The following RTN2 variants were observed in gnomAD, a reference collection of about 807,000 sequenced individuals.
The protein encoded by RTN2 is reticulon-2.
A neutral mutation model predicts 63.7 loss-of-function variants in RTN2; 36 were observed. That is an observed-to-expected ratio of 0.56 (90% CI 0.43 to 0.75). The LOEUF (loss-of-function observed/expected upper bound fraction) is 0.75. RTN2 is among the 30% of genes least tolerant of loss of function. The probability of loss-of-function intolerance (pLI) is 0.00; values close to 1 mark genes in which losing one functional copy is unlikely to be tolerated. For synonymous variants in RTN2, 312 were observed against 313.0 expected (o/e 1.00, Z 0.03); for missense variants, 673 against 705.1 (o/e 0.95, Z 0.52).
In RTN2 at chr19:45,494,587, G is replaced by C. The variant is rs1310674348; in HGVS notation, c.498C>G (p.Thr166=). 1.2e-6 allele frequency: 2 copies of C among 1,613,970 alleles called. No individual in the cohort carries two copies. Among genetic ancestry groups the C allele is most frequent in the Non-Finnish European group, 1.7e-6 (2 of 1,180,026 alleles). ...CTTGGGGTTCTTCGTCTTCCAGCGG[G>C]GTGGAGCTGCTGGTGGAAGAGTCCT... The part of the protein sequence containing the change: ...SGEDSSTSSS[T]PLEDEEPQEP... The change falls in exon 3 of 11, where the codon ACC becomes ACG. Residue 166 remains threonine, a synonymous_variant. Coordinates refer to ENST00000245923, the MANE Select transcript of RTN2 (RefSeq NM_005619.5). This position sits in a 1 kb window ranked among gnomAD's most constrained non-coding sequence, Gnocchi z 5.3.
rs777317198 is a variant in RTN2, at chr19:45,488,488, G to A, written c.1480C>T (p.Leu494=). The change falls in exon 9 of 11, where the codon CTG becomes TTG. Residue 494 remains leucine (L), a synonymous_variant. Coordinates refer to ENST00000245923, the MANE Select transcript of RTN2 (RefSeq NM_005619.5). ...GVIGLFTIPL[L]YRQHQAQIDQ... Reference sequence around the variant, plus strand: ...ACACTCACCTGGTGCTGCCGGTACAGCAGGGGGATGGTGAATAGACCAATC... The same window carrying A: ...ACACTCACCTGGTGCTGCCGGTACAACAGGGGGATGGTGAATAGACCAATC... 1.2e-6 allele frequency: 2 copies of A among 1,613,832 alleles called. No individual in the cohort carries two copies. The highest frequency in any genetic ancestry group is 1.3e-5 in the African/African-American group (1 of 74,930).
At chr19:45,493,938 C>A in intron 4 of RTN2, 1 of 578,552 alleles carries the variant, frequency 1.7e-6, no homozygotes, top group Non-Finnish European at 3.0e-6. Flanking sequence ...GATCCGCCCG[C>A]CTCGGCCTCC....
chr19:45,489,402 C>T lies in RTN2; in HGVS notation c.1185G>A (p.Arg395=), dbSNP rs781104615. Residue 395 remains arginine (R), a synonymous_variant, in exon 6 of 11, where the codon AGG becomes AGA. Transcript: ENST00000245923. ...LLLLCGTISL[R]VYRKVLQAVH... Reference sequence around the variant, plus strand: ...CGGCCTGCAGCACTTTGCGGTAAACCCTGAGAGAGATGGTGCCGCAGAGCA... The same window carrying T: ...CGGCCTGCAGCACTTTGCGGTAAACTCTGAGAGAGATGGTGCCGCAGAGCA... 4 of 1,601,334 alleles carry T rather than the reference C, an allele frequency of 2.5e-6. No individual in the cohort carries two copies. Among genetic ancestry groups the T allele is most frequent in the Non-Finnish European group, 3.4e-6 (4 of 1,174,510 alleles).
Position 45,486,732 on chromosome 19 carries a change from C to CTTT in RTN2, c.1498-622_1498-620dup, listed in dbSNP as rs780069708. ...TGTTCTTTTTTTTTTCTTTTTCTTT[C>CTTT]TTTCTTTTTTTTTTTTTCCTGAGAC... is the stretch of plus-strand genomic sequence containing the variant. On this transcript the variant is annotated intron_variant, in intron 9 of 10. Coordinates refer to ENST00000245923, the MANE Select transcript of RTN2 (RefSeq NM_005619.5). 2.5e-5 allele frequency among the ~76,000 whole-genome samples: 3 copies of CTTT among 121,784 alleles called. 1 individual carries two copies. Among genetic ancestry groups the CTTT allele is most frequent in the Non-Finnish European group, 3.4e-5 (2 of 58,740 alleles). 79.9% of individuals were successfully genotyped at this position (121,784 alleles called of 152,430 possible).
rs1968030240 is a variant in RTN2, at chr19:45,486,735, T to C, written c.1498-622A>G. 1.4e-5 allele frequency among the ~76,000 whole-genome samples: 2 copies of C among 146,156 alleles called. 1 individual carries two copies. The highest frequency in any genetic ancestry group is 4.3e-4 in the South Asian group (2 of 4,664). ...TCTTTTTTTTTTCTTTTTCTTTCTT[T>C]CTTTTTTTTTTTTTCCTGAGACGGA... is the stretch of plus-strand genomic sequence containing the variant. On this transcript the variant is annotated intron_variant, in intron 9 of 10. Coordinates refer to ENST00000245923, the MANE Select transcript of RTN2 (RefSeq NM_005619.5).
intron 1 of RTN2, 186 bp from the exon 2 acceptor site, chr19:45,495,325 T>G: frequency 1.5e-6 from 1 of 666,234 alleles, no homozygotes; most frequent in Non-Finnish European, 2.6e-6. Flanking sequence ...TCCAGGAATC[T>G]TAATCTTAGA....
Position 45,485,449 on chromosome 19 carries a change from T to C in RTN2, c.*259A>G. 1 of 528,838 alleles carries C rather than the reference T, an allele frequency of 1.9e-6. No homozygotes were observed. Among genetic ancestry groups the C allele is most frequent in the Non-Finnish European group, 3.4e-6 (1 of 292,698 alleles). 32.8% of individuals were successfully genotyped at this position (528,838 alleles called of 1,614,324 possible). A position where few individuals can be genotyped will look rare whatever the true frequency, so the allele number is the denominator to read the frequency against. On this transcript the variant is annotated 3_prime_UTR_variant, in exon 11 of 11. Coordinates refer to ENST00000245923, the MANE Select transcript of RTN2 (RefSeq NM_005619.5). ...TCCGGAAGTGCAGGGTGGTGCCCTG[T>C]CTAGGCAACTACAAGTCCCAGCAGG...
At chr19:45,488,178 A>G (rs988511257) in intron 9 of RTN2, among the ~76,000 whole-genome samples, 1 of 150,280 alleles carries the variant, frequency 6.7e-6, no homozygotes, top group Non-Finnish European at 1.5e-5. Flanking sequence ...GCTTGAGCCC[A>G]GGAAACGGAG....
intron 5 of RTN2, among the ~76,000 whole-genome samples, chr19:45,492,946 T>C (rs1968191819): frequency 6.6e-6 from 1 of 152,194 alleles, no homozygotes; most frequent in African/African-American, 2.4e-5. Context: ...GGGTCCTCCC[T>C]GCTCCTGGGC....
chr19:45,496,565 C>G (rs145380342), intron 1 of RTN2: 4,155 of 371,418 alleles, frequency 0.011, 42 homozygotes, highest in Non-Finnish European at 0.016. Context: ...GCGCGCCCCC[C>G]GCCTGCTGTC....
Position 45,493,064 on chromosome 19 carries a change from A to G in RTN2, c.1033+96T>C, listed in dbSNP as rs1178482737. 5.4e-5 allele frequency: 63 copies of G among 1,176,138 alleles called. No homozygotes were observed. The East Asian group carries it at 1.2e-3, about 23-fold the overall frequency. 72.9% of individuals were successfully genotyped at this position (1,176,138 alleles called of 1,614,324 possible). On this transcript the variant is annotated intron_variant, in intron 5 of 10. Transcript: ENST00000245923. Reference sequence around the variant, plus strand: ...GCCTGCAGCGCTGCGGAAGCAGATCAGTAATAAAAATGCTCCGGATGTGCA... The same window carrying G: ...GCCTGCAGCGCTGCGGAAGCAGATCGGTAATAAAAATGCTCCGGATGTGCA...
chr19:45,495,180 C>T (rs1968247219), intron 1 of RTN2, 41 bp from the exon 2 acceptor site: 1 of 1,609,268 alleles, frequency 6.2e-7, no homozygotes, highest in Non-Finnish European at 8.5e-7. Flanking sequence ...GAAGCTTAGA[C>T]TGTCCGAATC....
intron 1 of RTN2, among the ~76,000 whole-genome samples, chr19:45,495,366 A>T (rs937176137): frequency 4.6e-5 from 7 of 152,182 alleles, no homozygotes; most frequent in African/African-American, 1.7e-4. Context: ...AGGAGGTTTC[A>T]ATTCATTCAT....
intron 1 of RTN2, 93 bp downstream of exon 1, chr19:45,496,699 G>A: frequency 1.2e-6 from 1 of 845,694 alleles, no homozygotes; most frequent in East Asian, 3.3e-5. Flanking sequence ...CCCCCATCCC[G>A]GCTCTCCTGC....
chr19:45,496,433 C>G (rs1358609927), intron 1 of RTN2, among the ~76,000 whole-genome samples: 1 of 152,226 alleles, frequency 6.6e-6, no homozygotes, highest in Non-Finnish European at 1.5e-5. Flanking sequence ...TGTTTTCCAT[C>G]CTGGCTCTAC....
In RTN2 at chr19:45,494,317, T is replaced by TG; in HGVS notation, c.662dup (p.Ser222IlefsTer37). On this transcript the variant is annotated frameshift_variant, in exon 4 of 11. Coordinates refer to ENST00000245923, the MANE Select transcript of RTN2 (RefSeq NM_005619.5). LOFTEE classifies it high-confidence loss of function. The surrounding 1 kb of genome is among the most constrained non-coding windows in gnomAD (Gnocchi z 5.3). Reference sequence around the variant, plus strand: ...CAGAGTTCGAATCTCGCGATCGGGATGGGGACGGAGTACCGGCCTGGGGTG... The same window carrying TG: ...CAGAGTTCGAATCTCGCGATCGGGATGGGGGACGGAGTACCGGCCTGGGGTG... The TG allele has an allele frequency of 6.2e-7, 1 of 1,614,038 alleles. No homozygotes were observed. Among genetic ancestry groups the TG allele is most frequent in the Non-Finnish European group, 8.5e-7 (1 of 1,180,002 alleles).
rs34799041 is a variant in RTN2 at position 45,487,032 on chromosome 19, C to CTTTTTTTTTTTTTTTTT, written c.1498-936_1498-920dup. On this transcript the variant is annotated intron_variant, in intron 9 of 10. Transcript: ENST00000245923. ...ACAAGCGTGAGCCACCATGCCCAGC[C>CTTTTTTTTTTTTTTTTT]TTTTTTTTTTTTTTTTTTTTTTTTT... is the stretch of plus-strand genomic sequence containing the variant. Among the ~76,000 whole-genome samples, 6 of 39,180 alleles carry CTTTTTTTTTTTTTTTTT rather than the reference C, an allele frequency of 1.5e-4. 1 individual carries two copies. Among genetic ancestry groups the CTTTTTTTTTTTTTTTTT allele is most frequent in the African/African-American group, 2.9e-4 (3 of 10,196 alleles). The allele number at this position is 39,180 out of a possible 152,430, so 25.7% of individuals were successfully genotyped here. A position where few individuals can be genotyped will look rare whatever the true frequency, so the allele number is the denominator to read the frequency against.
At chr19:45,493,499 G>T in intron 4 of RTN2, 121 bp from the exon 5 acceptor site, 1 of 753,386 alleles carries the variant, frequency 1.3e-6, no homozygotes, top group Non-Finnish European at 2.2e-6. Flanking sequence ...TCCCTATGTT[G>T]CCCAGGCTGG....
At chr19:45,496,687 T>TC in intron 1 of RTN2, 105 bp downstream of exon 1, 1 of 707,486 alleles carries the variant, frequency 1.4e-6, no homozygotes, top group Non-Finnish European at 2.1e-6. Context: ...CTATGCCTCC[T>TC]CCCCCCATCC....
Sources: gnomAD v4.1 joint callset for allele counts (sites outside exome capture counted in the v4.1 genomes callset) on GRCh38, gnomAD v4.1.1 for gene constraint, Gnocchi (gnomAD v3.1) non-coding constraint, MANE v1.5 for transcripts, NCBI Gene and HGNC (gene_info 2026-07-23, HGNC 2026-07-21) for gene names.